Variants in PRKCH observed in about 807,000 individuals in gnomAD.
PRKCH encodes the protein protein kinase C eta type.
In PRKCH, 28 loss-of-function variants were observed where a neutral mutation model predicts 82.5. The observed-to-expected ratio is 0.34, with a 90% CI of 0.25 to 0.47. The LOEUF is 0.47. Among genes scored for constraint, PRKCH ranks in the 20% least tolerant of loss-of-function variants. The pLI is 1.00. For synonymous variants in PRKCH, 322 were observed against 327.4 expected, an observed-to-expected ratio of 0.98 and a Z score of 0.18; for missense variants, 705 against 881.8, an observed-to-expected ratio of 0.80 and a Z score of 2.54.
intron 1 of PRKCH, among the ~76,000 whole-genome samples, chr14:61,245,812 G>A (rs184404942): frequency 1.6e-3 from 248 of 152,352 alleles, no homozygotes; most frequent in African/African-American, 5.5e-3. Flanking sequence ...CCTAGTAGGT[G>A]TGAAAGAAAA....
At chr14:61,281,834 T>C (rs1388477622) in intron 1 of PRKCH, 3 of 153,256 alleles carry the variant, frequency 2.0e-5, no homozygotes, top group Non-Finnish European at 4.4e-5. Flanking sequence ...TTATGATAAA[T>C]CTGTTTCGAA....
At chr14:61,542,371 A>G (rs940113121) in intron 12 of PRKCH, among the ~76,000 whole-genome samples, 10 of 15,788 alleles carry the variant, frequency 6.3e-4, no homozygotes, top group Admixed American at 1.7e-3. Context: ...TTCTGTCAGG[A>G]AAAAAAAAAA....
intron 1 of PRKCH, among the ~76,000 whole-genome samples, chr14:61,367,693 C>A (rs1039689847): frequency 3.3e-5 from 5 of 150,978 alleles, no homozygotes; most frequent in Non-Finnish European, 7.4e-5. Flanking sequence ...ATATGCTCCC[C>A]AGGCTCTTAA....
intron 1 of PRKCH, among the ~76,000 whole-genome samples, chr14:61,348,377 G>A (rs577206638): frequency 6.6e-6 from 1 of 152,294 alleles, no homozygotes; most frequent in Non-Finnish European, 1.5e-5. Context: ...CATTTGAACC[G>A]TGTGTGGTGT....
rs372621115 is a variant in PRKCH, at chr14:61,363,980, G to A, written c.364-27245G>A. On this transcript the variant is annotated intron_variant, in intron 1 of 13. Transcript: ENST00000332981. ...TATATATATACGTGTGCATGTGTGT[G>A]TATATGTGTGTGTGTATATATATAT... Among the ~76,000 whole-genome samples, 6 of 14,878 alleles carry A rather than the reference G, an allele frequency of 4.0e-4. No homozygotes were observed. In the Admixed American group the frequency reaches 4.4e-3, roughly 11 times the overall value. The allele number at this position is 14,878 out of a possible 152,430, so 9.8% of individuals were successfully genotyped here.
intron 10 of PRKCH, among the ~76,000 whole-genome samples, chr14:61,525,446 G>A (rs1029078150): frequency 8.5e-5 from 13 of 152,214 alleles, no homozygotes; most frequent in African/African-American, 2.6e-4. Flanking sequence ...TTGTGGCCTC[G>A]GGCATCCTGT....
At chr14:61,515,448 C>G (rs1172795070) in intron 10 of PRKCH, among the ~76,000 whole-genome samples, 1 of 152,192 alleles carries the variant, frequency 6.6e-6, no homozygotes, top group African/African-American at 2.4e-5. Context: ...CCGAATGAAC[C>G]TCAACTTAAA....
chr14:61,249,470 T>C (rs2044920293), intron 1 of PRKCH, among the ~76,000 whole-genome samples: 1 of 147,258 alleles, frequency 6.8e-6, no homozygotes, highest in East Asian at 2.0e-4. Flanking sequence ...AGAAGATTAG[T>C]ATGCATGGTC....
In PRKCH at chr14:61,322,084, C is replaced by T. The variant is rs761211869; in HGVS notation, c.-18C>T. The stretch of plus-strand genomic sequence containing the variant: ...GCGAAGCAGCGCGGCCCCCCGGGGC[C>T]GGGGCAGCGGCGCCGGCATGTCGTC... On this transcript the variant is annotated 5_prime_UTR_variant, in exon 1 of 14. Coordinates refer to ENST00000332981, the MANE Select transcript of PRKCH (RefSeq NM_006255.5). 7 of 1,525,394 alleles carry T rather than the reference C, an allele frequency of 4.6e-6. No individual in the cohort carries two copies. The East Asian group carries it at 7.4e-5, about 16-fold the overall frequency. The allele number at this position is 1,525,394 out of a possible 1,614,324, so 94.5% of individuals were successfully genotyped here. A position where few individuals can be genotyped will look rare whatever the true frequency, so the allele number is the denominator to read the frequency against.
intron 1 of PRKCH, among the ~76,000 whole-genome samples, chr14:61,249,699 C>T (rs2044924241): frequency 6.6e-6 from 1 of 151,944 alleles, no homozygotes; most frequent in Non-Finnish European, 1.5e-5. Context: ...CAGCTCACTG[C>T]AACCTCCGCC....
chr14:61,335,219 G>GTA (rs1352405362), intron 1 of PRKCH, among the ~76,000 whole-genome samples: 1 of 152,036 alleles, frequency 6.6e-6, no homozygotes. Flanking sequence ...GTGGGGTAGG[G>GTA]TATAGTCTTG....
intron 1 of PRKCH, among the ~76,000 whole-genome samples, chr14:61,194,553 A>G (rs2044428636): frequency 6.6e-6 from 1 of 152,252 alleles, no homozygotes; most frequent in African/African-American, 2.4e-5. Context: ...GGACATCCCA[A>G]TCTCTAGAAC....
At chr14:61,219,492 G>A (rs553619818) in intron 1 of PRKCH, among the ~76,000 whole-genome samples, 54 of 152,284 alleles carry the variant, frequency 3.5e-4, no homozygotes, top group African/African-American at 1.1e-3. Flanking sequence ...TTTAATACCA[G>A]TTTTCTGTCA....
At chr14:61,247,581 C>T (rs1229304145) in intron 1 of PRKCH, among the ~76,000 whole-genome samples, 1 of 151,408 alleles carries the variant, frequency 6.6e-6, no homozygotes, top group Non-Finnish European at 1.5e-5. Context: ...CCTAAAAATA[C>T]AAAATTTAGC....
At chr14:61,394,527 C>T (rs1006936116) in intron 2 of PRKCH, among the ~76,000 whole-genome samples, 5 of 152,108 alleles carry the variant, frequency 3.3e-5, no homozygotes, top group Non-Finnish European at 7.4e-5. Context: ...CTCTCTCATT[C>T]GAGCTGAATC....
At chr14:61,285,928 C>G (rs1362496790) in intron 1 of PRKCH, among the ~76,000 whole-genome samples, 1 of 152,228 alleles carries the variant, frequency 6.6e-6, no homozygotes, top group Non-Finnish European at 1.5e-5. Context: ...TAAGCAAACT[C>G]TGTTCCATTT....
At chr14:61,236,727 A>AG (rs1173758060) in intron 1 of PRKCH, among the ~76,000 whole-genome samples, 17 of 118,358 alleles carry the variant, frequency 1.4e-4, no homozygotes, top group South Asian at 4.7e-4. Flanking sequence ...AAAAAAAAAA[A>AG]AAAAGAAAAG....
At position 61,278,975 on chromosome 14, in the gene PRKCH, T is replaced by TCACACACACACACACACACACA. The variant is rs71117806; in HGVS notation, c.-19+91324_-19+91345dup. ...AAGGTATGAATGAAGCCCTTTCTAATCACACACACACACACACACACACAC... is the reference window on the plus strand; with the variant it reads ...AAGGTATGAATGAAGCCCTTTCTAATCACACACACACACACACACACACACACACACACACACACACACACAC... On this transcript the variant is annotated intron_variant, in intron 1 of 3. Coordinates refer to the PRKCH transcript ENST00000555185. 8.5e-5 allele frequency: 12 copies of TCACACACACACACACACACACA among 140,354 alleles called. No individual in the cohort carries two copies. The East Asian group carries it at 8.6e-4, about 10-fold the overall frequency. 8.7% of individuals were successfully genotyped at this position (140,354 alleles called of 1,614,324 possible). A position where few individuals can be genotyped will look rare whatever the true frequency, so the allele number is the denominator to read the frequency against.
intron 10 of PRKCH, among the ~76,000 whole-genome samples, chr14:61,508,515 G>A (rs1344898760): frequency 2.0e-5 from 3 of 152,152 alleles, no homozygotes; most frequent in Non-Finnish European, 4.4e-5. Context: ...TGATAGTTGG[G>A]TAAAAGGATC....
Sources: allele counts gnomAD v4.1 joint callset (sites outside exome capture counted in the v4.1 genomes callset), GRCh38; gene constraint gnomAD v4.1.1; transcripts MANE v1.5; gene names NCBI Gene and HGNC (gene_info 2026-07-23, HGNC 2026-07-21).